Variants in RNF125 observed in about 807,000 individuals in gnomAD.
RNF125 encodes ring finger protein 125, also known as E3 ubiquitin-protein ligase RNF125.
A neutral mutation model predicts 26.0 loss-of-function variants in RNF125; 21 were observed. The ratio of observed to expected loss-of-function variants is 0.81; its 90% confidence interval spans 0.57 to 1.16. The LOEUF (loss-of-function observed/expected upper bound fraction) is 1.16. Ranked by LOEUF, RNF125 falls within the 50% of genes most tolerant of loss-of-function variation. The pLI is 0.00. For missense variants in RNF125, 270 were observed against 299.4 expected, an observed-to-expected ratio of 0.90 and a Z score of 0.72; for synonymous variants, 95 against 109.2, an observed-to-expected ratio of 0.87 and a Z score of 0.81.
intron 2 of RNF125, among the ~76,000 whole-genome samples, chr18:32,040,782 G>A (rs976315840): frequency 2.0e-5 from 3 of 152,030 alleles, no homozygotes; most frequent in African/African-American, 7.2e-5. Context: ...GCTTATCTTT[G>A]TTGAACAAAG....
intron 4 of RNF125, among the ~76,000 whole-genome samples, chr18:32,063,248 G>T (rs1019159247): frequency 1.4e-5 from 2 of 140,494 alleles, no homozygotes; most frequent in Non-Finnish European, 3.1e-5. Flanking sequence ...AAAAAAAGAA[G>T]AATACATGAA....
At chr18:32,045,415 C>G (rs1459703782) in intron 3 of RNF125, among the ~76,000 whole-genome samples, 1 of 150,904 alleles carries the variant, frequency 6.6e-6, no homozygotes, top group African/African-American at 2.4e-5. Flanking sequence ...AAAGATTAAC[C>G]TGGTGTGGTG....
chr18:32,066,508 T>C (rs945138784), intron 5 of RNF125, among the ~76,000 whole-genome samples: 1 of 152,136 alleles, frequency 6.6e-6, no homozygotes, highest in South Asian at 2.1e-4. Flanking sequence ...TAATAACGAT[T>C]GAAGATTGTC....
intron 4 of RNF125, among the ~76,000 whole-genome samples, chr18:32,054,965 A>G (rs1056526366): frequency 3.9e-5 from 6 of 152,140 alleles, no homozygotes; most frequent in Admixed American, 6.6e-5. Context: ...ATTGAATTTG[A>G]GCTTCTATTA....
chr18:32,065,024 AAATT>A (rs1029978685), intron 4 of RNF125, among the ~76,000 whole-genome samples: 1 of 152,232 alleles, frequency 6.6e-6, no homozygotes, highest in African/African-American at 2.4e-5. Context: ...TTTAAATAAT[AAATT>A]GATGAATATG....
chr18:32,019,103 G>T, intron 1 of RNF125, 76 bp downstream of exon 1: 1 of 1,542,828 alleles, frequency 6.5e-7, no homozygotes, highest in Non-Finnish European at 8.8e-7. Context: ...ATGGTGTGGG[G>T]AAGGAGGGGG....
the RNF125 span, among the ~76,000 whole-genome samples, chr18:32,085,316 G>C: frequency 6.6e-6 from 1 of 151,056 alleles, no homozygotes. Context: ...CAGGACCAAA[G>C]AAAGTGCAGC....
At chr18:32,054,478 T>G (rs1411230299) in intron 4 of RNF125, among the ~76,000 whole-genome samples, 1 of 152,350 alleles carries the variant, frequency 6.6e-6, no homozygotes, top group South Asian at 2.1e-4. Context: ...AATATAATAC[T>G]GAACAAAATC....
At chr18:32,053,664 T>G (rs1312568663) in intron 4 of RNF125, among the ~76,000 whole-genome samples, 1 of 151,442 alleles carries the variant, frequency 6.6e-6, no homozygotes, top group Non-Finnish European at 1.5e-5. Context: ...GGCGTGTGCC[T>G]CTAGGAGGCA....
chr18:32,075,002 C>T (rs1049500375), downstream of RNF125, among the ~76,000 whole-genome samples: 4 of 152,166 alleles, frequency 2.6e-5, no homozygotes, highest in Non-Finnish European at 4.4e-5. Flanking sequence ...CTGTCCCTTA[C>T]AACAGTATTT....
the RNF125 span, among the ~76,000 whole-genome samples, chr18:32,084,228 G>A: frequency 1.4e-3 from 208 of 152,218 alleles, 6 homozygotes; most frequent in East Asian, 0.011. Context: ...GGTGGCGCAT[G>A]CCTGTAATCG....
chr18:32,064,392 T>TGTTC (rs2039463591), intron 4 of RNF125, among the ~76,000 whole-genome samples: 2 of 118,704 alleles, frequency 1.7e-5, no homozygotes, highest in Non-Finnish European at 3.5e-5. Flanking sequence ...ATCTTTTTCT[T>TGTTC]TTTCTTTTTT....
chr18:32,064,974 A>G (rs1322285180), intron 4 of RNF125, among the ~76,000 whole-genome samples: 1 of 152,242 alleles, frequency 6.6e-6, no homozygotes, highest in East Asian at 1.9e-4. Context: ...TAGGCAAACT[A>G]ATTAAGTAAA....
intron 4 of RNF125, among the ~76,000 whole-genome samples, chr18:32,064,419 T>TTTTTC (rs1568208888): frequency 7.1e-6 from 1 of 141,372 alleles, no homozygotes; most frequent in African/African-American, 2.6e-5. Flanking sequence ...TTTTTTTTTT[T>TTTTTC]GAGACAGAGC....
At chr18:32,035,065 T>C (rs1427655794) in intron 1 of RNF125, among the ~76,000 whole-genome samples, 1 of 152,120 alleles carries the variant, frequency 6.6e-6, no homozygotes. Context: ...TCCAGAGACA[T>C]GGTCTATACT....
At chr18:32,084,019 G>A in the RNF125 span, among the ~76,000 whole-genome samples, 2 of 152,070 alleles carry the variant, frequency 1.3e-5, no homozygotes, top group African/African-American at 2.4e-5. Context: ...GAGAAATGGA[G>A]AAAGATCTTT....
At chr18:32,055,891 A>G (rs2039376127) in intron 4 of RNF125, among the ~76,000 whole-genome samples, 1 of 146,356 alleles carries the variant, frequency 6.8e-6, no homozygotes, top group Non-Finnish European at 1.5e-5. Context: ...AGGCAGGAGA[A>G]TCGCTTGAAC....
At chr18:32,038,912 C>T (rs923772947) in intron 2 of RNF125, among the ~76,000 whole-genome samples, 7 of 151,644 alleles carry the variant, frequency 4.6e-5, no homozygotes, top group African/African-American at 1.7e-4. Flanking sequence ...ATTACAGGGG[C>T]CCAACACCAC....
At chr18:32,020,033 T>TGTG (rs71384924) in intron 1 of RNF125, among the ~76,000 whole-genome samples, 2 of 137,676 alleles carry the variant, frequency 1.5e-5, no homozygotes, top group Admixed American at 7.8e-5. Context: ...TGTGTGTGTG[T>TGTG]TTGAGAGAGA....
Sources: gnomAD v4.1 joint callset for allele counts (sites outside exome capture counted in the v4.1 genomes callset) on GRCh38, gnomAD v4.1.1 for gene constraint, MANE v1.5 for transcripts, NCBI Gene and HGNC (gene_info 2026-07-23, HGNC 2026-07-21) for gene names.